The following SIPA1L2 variants were observed in gnomAD, a reference collection of about 807,000 sequenced individuals.
SIPA1L2 encodes signal induced proliferation associated 1 like 2.
A neutral mutation model predicts 163.9 loss-of-function variants in SIPA1L2; 56 were observed. The observed-to-expected ratio is 0.34, with a 90% CI of 0.28 to 0.43. The LOEUF is 0.43. Ranked by LOEUF, SIPA1L2 falls within the 20% of genes least tolerant of loss-of-function variation. SIPA1L2 has a pLI of 1.00. For synonymous variants in SIPA1L2, 877 were observed against 865.7 expected (o/e 1.01, Z -0.23); for missense variants, 1,974 against 2,193.5 (o/e 0.90, Z 2.00).
chr1:232,442,165 A>G (rs1190158524), intron 12 of SIPA1L2, among the ~76,000 whole-genome samples: 1 of 152,070 alleles, frequency 6.6e-6, no homozygotes, highest in Non-Finnish European at 1.5e-5. Flanking sequence ...GGATCAAACA[A>G]TGTACCTGCA....
At chr1:232,620,299 A>C (rs555472164) in intron 1 of SIPA1L2, among the ~76,000 whole-genome samples, 2 of 152,230 alleles carry the variant, frequency 1.3e-5, no homozygotes, top group African/African-American at 4.8e-5. Flanking sequence ...AAGCAAGTGC[A>C]TATTGCCAGA....
chr1:232,626,131 G>C, intron 1 of SIPA1L2, among the ~76,000 whole-genome samples: 1 of 151,556 alleles, frequency 6.6e-6, no homozygotes, highest in Middle Eastern at 3.4e-3. Context: ...GGATTTTGAC[G>C]AAATGCATTG....
chr1:232,441,030 A>T (rs774193669), intron 14 of SIPA1L2, among the ~76,000 whole-genome samples: 2 of 152,272 alleles, frequency 1.3e-5, no homozygotes, highest in Non-Finnish European at 2.9e-5. Context: ...AAATGGGAAC[A>T]TGATTTAGTA....
intron 2 of SIPA1L2, among the ~76,000 whole-genome samples, chr1:232,565,845 A>C (rs1659371145): frequency 6.6e-6 from 1 of 152,226 alleles, no homozygotes; most frequent in Non-Finnish European, 1.5e-5. Context: ...AGACCACAGA[A>C]GTATGAGGCA....
intron 2 of SIPA1L2, among the ~76,000 whole-genome samples, chr1:232,548,800 A>C (rs1426266479): frequency 6.6e-6 from 1 of 152,128 alleles, no homozygotes; most frequent in Non-Finnish European, 1.5e-5. Flanking sequence ...CACATCACAG[A>C]AGGATGGCAT....
At chr1:232,612,349 C>T (rs944888997) in intron 1 of SIPA1L2, among the ~76,000 whole-genome samples, 1 of 152,172 alleles carries the variant, frequency 6.6e-6, no homozygotes, top group African/African-American at 2.4e-5. Context: ...CTCCAGACCC[C>T]AGAATGGTAG....
chr1:232,500,951 T>TCAGC (rs1666437713), intron 3 of SIPA1L2, among the ~76,000 whole-genome samples: 1 of 151,302 alleles, frequency 6.6e-6, no homozygotes, highest in Admixed American at 6.6e-5. Flanking sequence ...ACCATCCTGA[T>TCAGC]CAGCCAACAG....
At chr1:232,506,084 G>C (rs1666720326) in intron 3 of SIPA1L2, among the ~76,000 whole-genome samples, 1 of 152,146 alleles carries the variant, frequency 6.6e-6, no homozygotes, top group South Asian at 2.1e-4. Context: ...TGTTTGGAAT[G>C]GGGTGATGGA....
chr1:232,541,233 CACATAACATAACATTAACATA>C (rs1428342751), intron 2 of SIPA1L2, among the ~76,000 whole-genome samples: 2 of 135,280 alleles, frequency 1.5e-5, no homozygotes, highest in African/African-American at 2.8e-5. Flanking sequence ...TGTATCACAT[CACATAACATAACATTAACATA>C]ACATAACATA....
chr1:232,445,748 T>C lies in SIPA1L2; in HGVS notation c.3134A>G (p.Tyr1045Cys), dbSNP rs369338127. 169 of 1,613,568 alleles carry C rather than the reference T, an allele frequency of 1.0e-4. No individual in the cohort carries two copies. The highest frequency in any genetic ancestry group is 3.4e-4 in the Middle Eastern group (2 of 5,886). ...SELCRIPMVE[Y>C]KLDSEGTPCE... ...GGGGGTGCCCTCGCTGTCGAGTTTA[T>C]ATTCCACCATAGGGATCCGGCAGAG... The change falls in exon 11 of 23, where the codon TAT becomes TGT. Residue 1045 changes from tyrosine (Y) to cysteine (C), a missense_variant. Around this residue, in one of 3 missense-constraint regions of SIPA1L2, gnomAD observed 1,079 missense variants for 1,150.7 expected, o/e 0.94. Coordinates refer to ENST00000674635, the MANE Select transcript of SIPA1L2 (RefSeq NM_020808.5).
intron 3 of SIPA1L2, among the ~76,000 whole-genome samples, chr1:232,506,564 A>G (rs928005445): frequency 6.6e-6 from 1 of 152,246 alleles, no homozygotes; most frequent in Non-Finnish European, 1.5e-5. Flanking sequence ...TTAAATTGGT[A>G]TCAAGAGAGG....
intron 1 of SIPA1L2, among the ~76,000 whole-genome samples, chr1:232,597,688 TCAAAA>T (rs1558294466): frequency 2.6e-5 from 1 of 38,402 alleles, no homozygotes; most frequent in South Asian, 1.0e-3. Context: ...AAACTCTGTC[TCAAAA>T]AAAAAAAAAA....
chr1:232,557,840 C>T (rs1050768819), intron 2 of SIPA1L2, among the ~76,000 whole-genome samples: 1 of 152,182 alleles, frequency 6.6e-6, no homozygotes, highest in Non-Finnish European at 1.5e-5. Flanking sequence ...GAAACATTGC[C>T]GGCATGTGCT....
intron 12 of SIPA1L2, among the ~76,000 whole-genome samples, chr1:232,442,093 G>A (rs1249348685): frequency 8.5e-5 from 13 of 152,122 alleles, no homozygotes; most frequent in Non-Finnish European, 1.8e-4. Flanking sequence ...AAAAGCAGCC[G>A]GATGATAGCC....
At chr1:232,618,317 G>A (rs889265554) in intron 1 of SIPA1L2, among the ~76,000 whole-genome samples, 3 of 152,254 alleles carry the variant, frequency 2.0e-5, no homozygotes, top group Middle Eastern at 3.4e-3. Flanking sequence ...CAGGCGAGGC[G>A]AGCTCTTTTT....
chr1:232,569,168 T>C (rs1000056111), intron 2 of SIPA1L2, among the ~76,000 whole-genome samples: 1 of 152,330 alleles, frequency 6.6e-6, no homozygotes, highest in African/African-American at 2.4e-5. Flanking sequence ...TGGCTGATAG[T>C]GTAATATGAA....
intron 19 of SIPA1L2, among the ~76,000 whole-genome samples, chr1:232,411,684 A>C (rs1396541931): frequency 6.7e-6 from 1 of 149,956 alleles, no homozygotes; most frequent in Non-Finnish European, 1.5e-5. Context: ...AAGTTAGTTA[A>C]TTTTCCCTTT....
chr1:232,488,228 C>A (rs1222309703), intron 5 of SIPA1L2, among the ~76,000 whole-genome samples: 1 of 152,164 alleles, frequency 6.6e-6, no homozygotes, highest in Non-Finnish European at 1.5e-5. Context: ...GCTGAGATTA[C>A]AGGCATGAGC....
At chr1:232,406,981 C>G (rs1660676349) in intron 19 of SIPA1L2, among the ~76,000 whole-genome samples, 1 of 152,138 alleles carries the variant, frequency 6.6e-6, no homozygotes. Flanking sequence ...TTGCAGAAAA[C>G]TGACTTAACT....
Sources: gnomAD v4.1 joint callset for allele counts (sites outside exome capture counted in the v4.1 genomes callset) on GRCh38, gnomAD v4.1.1 for gene constraint, gnomAD v4.1.1 regional missense constraint, MANE v1.5 for transcripts, NCBI Gene and HGNC (gene_info 2026-07-23, HGNC 2026-07-21) for gene names.